The following CIMIP6 variants were observed in gnomAD, a reference collection of about 807,000 sequenced individuals.
CIMIP6 encodes the protein uncharacterized protein C2orf73.
chr2:54,382,798 A>T, the CIMIP6 span, among the ~76,000 whole-genome samples: 1 of 152,194 alleles, frequency 6.6e-6, no homozygotes, highest in Non-Finnish European at 1.5e-5. Context: ...GATATTCATC[A>T]TTTCTAGACT....
At chr2:54,360,817 C>T in the CIMIP6 span, 7 of 327,792 alleles carry the variant, frequency 2.1e-5, no homozygotes, top group East Asian at 5.8e-5. Context: ...AACACATGAT[C>T]GTAATTAACA....
At chr2:54,333,534 T>C in the CIMIP6 span, among the ~76,000 whole-genome samples, 1 of 152,152 alleles carries the variant, frequency 6.6e-6, no homozygotes, top group Non-Finnish European at 1.5e-5. Context: ...ACCTCAGAGC[T>C]ACAATTAGGA....
the CIMIP6 span, among the ~76,000 whole-genome samples, chr2:54,355,474 GGTATTCTGTGA>G: frequency 3.3e-5 from 5 of 152,040 alleles, no homozygotes; most frequent in Admixed American, 2.0e-4. Context: ...CTACCTGTTT[GGTATTCTGTGA>G]GCTCTTTCAA....
At chr2:54,345,326 G>T in the CIMIP6 span, among the ~76,000 whole-genome samples, 1 of 152,152 alleles carries the variant, frequency 6.6e-6, no homozygotes, top group Admixed American at 6.6e-5. Flanking sequence ...GGGTAATTGG[G>T]TAGAGAAATG....
chr2:54,379,758 C>G, the CIMIP6 span, among the ~76,000 whole-genome samples: 1 of 151,750 alleles, frequency 6.6e-6, no homozygotes, highest in South Asian at 2.1e-4. Flanking sequence ...GGTGGGTCAC[C>G]TGAGGTCAGG....
the CIMIP6 span, among the ~76,000 whole-genome samples, chr2:54,341,419 CTTGGACTTCCCAGCCTACAGAA>C: frequency 6.6e-6 from 1 of 152,192 alleles, no homozygotes; most frequent in South Asian, 2.1e-4. Context: ...GTGCCTTGAT[CTTGGACTTCCCAGCCTACAGAA>C]TTGTGAGCCA....
the CIMIP6 span, among the ~76,000 whole-genome samples, chr2:54,357,006 A>T: frequency 6.6e-6 from 1 of 152,188 alleles, no homozygotes; most frequent in Non-Finnish European, 1.5e-5. Flanking sequence ...GGTGGAAAAA[A>T]ATATAAATTA....
chr2:54,382,190 C>G, the CIMIP6 span, among the ~76,000 whole-genome samples: 1 of 152,114 alleles, frequency 6.6e-6, no homozygotes, highest in Admixed American at 6.5e-5. Context: ...AATATCAGTA[C>G]CATTTGGGTA....
At chr2:54,368,994 C>T in the CIMIP6 span, among the ~76,000 whole-genome samples, 3 of 152,202 alleles carry the variant, frequency 2.0e-5, no homozygotes, top group East Asian at 5.8e-4. Flanking sequence ...GTTCTGGGGT[C>T]CTTCTAGCAA....
At chr2:54,364,171 A>C in the CIMIP6 span, among the ~76,000 whole-genome samples, 1 of 152,188 alleles carries the variant, frequency 6.6e-6, no homozygotes, top group Non-Finnish European at 1.5e-5. Flanking sequence ...TCTCTCCAAA[A>C]TGAATTCCAT....
the CIMIP6 span, among the ~76,000 whole-genome samples, chr2:54,341,670 G>A: frequency 2.2e-4 from 33 of 152,334 alleles, no homozygotes; most frequent in African/African-American, 7.7e-4. Flanking sequence ...AATTGTGGCA[G>A]TGCAGCAGTC....
chr2:54,345,818 A>G, the CIMIP6 span, among the ~76,000 whole-genome samples: 4 of 151,726 alleles, frequency 2.6e-5, no homozygotes, highest in Admixed American at 1.3e-4. Context: ...CACCCTACAT[A>G]TCATTACAAA....
At chr2:54,372,588 T>G in the CIMIP6 span, among the ~76,000 whole-genome samples, 2 of 152,208 alleles carry the variant, frequency 1.3e-5, no homozygotes, top group African/African-American at 4.8e-5. Flanking sequence ...GTTTGACTAC[T>G]CTGGGGCTGC....
chr2:54,359,867 C>T, the CIMIP6 span, among the ~76,000 whole-genome samples: 1 of 152,004 alleles, frequency 6.6e-6, no homozygotes, highest in Non-Finnish European at 1.5e-5. Flanking sequence ...TTGTTGTATC[C>T]ATAGCAATCT....
the CIMIP6 span, among the ~76,000 whole-genome samples, chr2:54,340,489 C>T: frequency 6.6e-6 from 1 of 152,224 alleles, no homozygotes; most frequent in African/African-American, 2.4e-5. Flanking sequence ...TAAGCACTTT[C>T]ACTCTTCCAG....
chr2:54,348,160 AG>A, the CIMIP6 span, among the ~76,000 whole-genome samples: 2 of 152,212 alleles, frequency 1.3e-5, no homozygotes, highest in Non-Finnish European at 2.9e-5. Flanking sequence ...TATTAAACTT[AG>A]TATTATGTGA....
chr2:54,369,697 T>C, the CIMIP6 span, among the ~76,000 whole-genome samples: 8 of 152,232 alleles, frequency 5.3e-5, no homozygotes, highest in African/African-American at 1.7e-4. Context: ...ATTTGTTTTC[T>C]GATATATGAT....
At chr2:54,346,677 T>C in the CIMIP6 span, among the ~76,000 whole-genome samples, 2 of 152,172 alleles carry the variant, frequency 1.3e-5, no homozygotes, top group Admixed American at 1.3e-4. Flanking sequence ...CATCAGCAAA[T>C]TGTGACACCT....
the CIMIP6 span, among the ~76,000 whole-genome samples, chr2:54,352,926 G>T: frequency 6.6e-6 from 1 of 152,172 alleles, no homozygotes; most frequent in African/African-American, 2.4e-5. Context: ...AGCACCAACT[G>T]TACATTAGAT....
Sources: gnomAD v4.1 joint callset for allele counts (sites outside exome capture counted in the v4.1 genomes callset) on GRCh38, gnomAD v4.1.1 for gene constraint, MANE v1.5 for transcripts, NCBI Gene and HGNC (gene_info 2026-07-23, HGNC 2026-07-21) for gene names.